Variants in IL17RB observed in about 807,000 individuals in gnomAD.
The protein encoded by IL17RB is interleukin-17 receptor B.
Under a neutral mutation model 43.9 loss-of-function variants are expected in IL17RB, and 36 were observed. That is an observed-to-expected ratio of 0.82 (90% CI 0.63 to 1.08). The LOEUF is 1.08. Among genes scored for constraint, IL17RB ranks in the 50% least tolerant of loss-of-function variants. The pLI is 0.00. For synonymous variants in IL17RB, 225 were observed against 225.4 expected (o/e 1.00, Z 0.02); for missense variants, 613 against 613.6 (o/e 1.00, Z 0.01).
At chr3:53,856,234 C>T (rs1382205032) in intron 6 of IL17RB, among the ~76,000 whole-genome samples, 1 of 152,218 alleles carries the variant, frequency 6.6e-6, no homozygotes, top group African/African-American at 2.4e-5. Flanking sequence ...ATAATTTCTG[C>T]TGTTATACAT....
rs1699357063 is a variant in IL17RB at position 53,856,954 on chromosome 3, A to G, written c.640A>G (p.Ser214Gly). ...GNRYMALIQH[S>G]TIIGFSQVFE... ...CAGATACATGGCTCTTATCCAACAC[A>G]GCACTATCATCGGGTTTTCTCAGGT... Residue 214 changes from serine to glycine, a missense_variant, in exon 7 of 11, where the codon AGC becomes GGC. Physicochemically the swap from Ser to Gly is moderately conservative, Grantham distance 56. Coordinates refer to ENST00000288167, the MANE Select transcript of IL17RB (RefSeq NM_018725.4). The G allele has an allele frequency of 6.2e-7, 1 of 1,614,114 alleles. No individual in the cohort carries two copies. Among genetic ancestry groups the G allele is most frequent in the Non-Finnish European group, 8.5e-7 (1 of 1,180,012 alleles).
chr3:53,864,977 TCTTC>T lies in IL17RB; in HGVS notation c.1183_1186del (p.Leu395PhefsTer39). ...CAAAAGAAGGCAGCAGACAAAGTCG[TCTTC>T]CTTCTTTCCAATGACGTCAACAGTG... On this transcript the variant is annotated frameshift_variant, in exon 11 of 11. Coordinates refer to ENST00000288167, the MANE Select transcript of IL17RB (RefSeq NM_018725.4). LOFTEE classifies it low-confidence loss of function (END_TRUNC). The T allele has an allele frequency of 6.2e-7, 1 of 1,614,156 alleles. No individual in the cohort carries two copies. The highest frequency in any genetic ancestry group is 8.5e-7 in the Non-Finnish European group (1 of 1,180,022).
At chr3:53,853,065 A>C in intron 5 of IL17RB, 68 bp downstream of exon 5, 1 of 1,591,018 alleles carries the variant, frequency 6.3e-7, no homozygotes, top group Non-Finnish European at 8.6e-7. Flanking sequence ...ATGCACAGAG[A>C]GAGCCCAGGG....
intron 5 of IL17RB, among the ~76,000 whole-genome samples, chr3:53,853,879 C>A (rs1479752739): frequency 6.6e-6 from 1 of 151,846 alleles, no homozygotes; most frequent in Non-Finnish European, 1.5e-5. Context: ...TTTTGGAATT[C>A]TTTTATTTTA....
At chr3:53,861,199 GT>G (rs1346336870) in intron 10 of IL17RB, 3 of 151,918 alleles carry the variant, frequency 2.0e-5, no homozygotes, top group Non-Finnish European at 2.9e-5. Context: ...GTGCAATATC[GT>G]AAACCTTCAA....
intron 4 of IL17RB, among the ~76,000 whole-genome samples, chr3:53,852,649 A>G (rs1699194935): frequency 6.6e-6 from 1 of 152,214 alleles, no homozygotes; most frequent in Admixed American, 6.5e-5. Context: ...CTACCAGCCA[A>G]TGGAAGAGAA....
chr3:53,860,317 A>T (rs887258159), intron 10 of IL17RB, 89 bp downstream of exon 10: 11 of 1,044,176 alleles, frequency 1.1e-5, no homozygotes, highest in Admixed American at 2.0e-5. Context: ...AGGCAATCAC[A>T]TGTTGGCGTT....
At chr3:53,853,751 C>A (rs1361080079) in intron 5 of IL17RB, among the ~76,000 whole-genome samples, 1 of 152,226 alleles carries the variant, frequency 6.6e-6, no homozygotes, top group African/African-American at 2.4e-5. Context: ...TTCCAATTCA[C>A]TGCTGGTCTT....
intron 6 of IL17RB, among the ~76,000 whole-genome samples, chr3:53,856,295 A>G (rs1559778592): frequency 6.6e-6 from 1 of 152,242 alleles, no homozygotes; most frequent in Non-Finnish European, 1.5e-5. Context: ...ACATGAATGA[A>G]ACGACTGACT....
chr3:53,848,155 A>T (rs1016892310), intron 1 of IL17RB, among the ~76,000 whole-genome samples: 17 of 152,264 alleles, frequency 1.1e-4, no homozygotes, highest in Non-Finnish European at 2.4e-4. Context: ...TGAATTGCTC[A>T]GTGAGTCCTT....
chr3:53,862,340 A>G (rs760907843), intron 10 of IL17RB, among the ~76,000 whole-genome samples: 7 of 152,326 alleles, frequency 4.6e-5, no homozygotes, highest in Non-Finnish European at 7.3e-5. Flanking sequence ...GGACGAGAAC[A>G]CCAACAGAGA....
chr3:53,859,051 C>A lies in IL17RB; in HGVS notation c.847+233C>A, dbSNP rs1576842287. 7.0e-6 allele frequency: 3 copies of A among 428,984 alleles called. No homozygotes were observed. In the East Asian group the frequency reaches 1.1e-4, roughly 16 times the overall value. The allele number at this position is 428,984 out of a possible 1,614,324, so 26.6% of individuals were successfully genotyped here. On this transcript the variant is annotated intron_variant, in intron 9 of 10. Coordinates refer to ENST00000288167, the MANE Select transcript of IL17RB (RefSeq NM_018725.4). ...TCGTGACTCTTTACAAAGCAGGATA[C>A]ACAGAAGGGAAAAAAATACACAGTG...
chr3:53,849,435 G>A (rs1406895810), intron 2 of IL17RB, among the ~76,000 whole-genome samples: 1 of 152,044 alleles, frequency 6.6e-6, no homozygotes, highest in Admixed American at 6.6e-5. Flanking sequence ...AAGCACTTTG[G>A]GAGGCTGAGG....
rs964724834 is a variant in IL17RB at position 53,851,935 on chromosome 3, T to G, written c.227-64T>G. 4.4e-6 allele frequency: 7 copies of G among 1,579,642 alleles called. No homozygotes were observed. The African/African-American group carries it at 9.4e-5, about 21-fold the overall frequency. On this transcript the variant is annotated intron_variant, in intron 3 of 10. Transcript: ENST00000288167. The stretch of plus-strand genomic sequence containing the variant: ...AAATAAAGCATGCTAGTAAAGCATC[T>G]AGCATCAAGTCAGCCACACAGCAAG...
chr3:53,852,068 G>C lies in IL17RB; in HGVS notation c.296G>C (p.Cys99Ser), dbSNP rs1559775682. ...TGKSNFQSYS[C>S]VRCNYTEAFQ... ...AAAAGCAACTTCCAGTCCTACAGCT[G>C]TGTGAGGTGCAATTACACAGAGGCC... The change falls in exon 4 of 11, where the codon TGT becomes TCT. Residue 99 changes from cysteine (C) to serine (S), a missense_variant. Coordinates refer to ENST00000288167, the MANE Select transcript of IL17RB (RefSeq NM_018725.4). 2 of 1,614,164 alleles carry C rather than the reference G, an allele frequency of 1.2e-6. No individual in the cohort carries two copies. Among genetic ancestry groups the C allele is most frequent in the South Asian group, 1.1e-5 (1 of 91,078 alleles).
Position 53,846,629 on chromosome 3 carries a change from G to C in IL17RB, c.41G>C (p.Ser14Thr), listed in dbSNP as rs371700134. ...VLLSLAALCR[S>T]AVPREPTVQC... ...CTAAGCCTGGCCGCGCTGTGCAGGA[G>C]CGCCGTACCCCGAGAGCCGGTAAGC... is the stretch of plus-strand genomic sequence containing the variant. The change falls in exon 1 of 11, where the codon AGC becomes ACC. Residue 14 changes from serine to threonine, a missense_variant. Physicochemically the swap from Ser to Thr is moderately conservative, Grantham distance 58. Coordinates refer to ENST00000288167, the MANE Select transcript of IL17RB (RefSeq NM_018725.4). 5.5e-5 allele frequency: 88 copies of C among 1,593,218 alleles called. No individual in the cohort carries two copies. The highest frequency in any genetic ancestry group is 1.7e-4 in the Middle Eastern group (1 of 6,048).
intron 3 of IL17RB, 98 bp from the exon 4 acceptor site, chr3:53,851,901 C>T (rs1388333657): frequency 1.5e-5 from 21 of 1,371,574 alleles, no homozygotes; most frequent in South Asian, 7.5e-5. Flanking sequence ...GAATATGAAC[C>T]GAGACATAAA....
Position 53,858,660 on chromosome 3 carries a change from T to G in IL17RB, c.748-59T>G, listed in dbSNP as rs978544270. 16 of 1,593,232 alleles carry G rather than the reference T, an allele frequency of 1.0e-5. No individual in the cohort carries two copies. The African/African-American group carries it at 2.0e-4, about 20-fold the overall frequency. Reference sequence around the variant, plus strand: ...GAAGTTTTGGCTGAAGTAGGAGTCTTGGTGAGATTTTGCTCTGATGCATGG... The same window carrying G: ...GAAGTTTTGGCTGAAGTAGGAGTCTGGGTGAGATTTTGCTCTGATGCATGG... On this transcript the variant is annotated intron_variant, in intron 8 of 10. Transcript: ENST00000288167.
At chr3:53,846,742 C>A in intron 1 of IL17RB, 94 bp downstream of exon 1, 1 of 1,320,572 alleles carries the variant, frequency 7.6e-7, no homozygotes, top group Non-Finnish European at 1.0e-6. Context: ...GCCCCGAAGG[C>A]GTGCGCGGAC....
Sources: allele counts gnomAD v4.1 joint callset (sites outside exome capture counted in the v4.1 genomes callset), GRCh38; gene constraint gnomAD v4.1.1; transcripts MANE v1.5; gene names NCBI Gene and HGNC (gene_info 2026-07-23, HGNC 2026-07-21).